Variants in RNF213 observed in about 807,000 individuals in gnomAD.
RNF213 encodes the protein ring finger protein 213.
A neutral mutation model predicts 514.4 loss-of-function variants in RNF213; 341 were observed. That is an observed-to-expected ratio of 0.66 (90% CI 0.61 to 0.73). RNF213 has a LOEUF of 0.73. RNF213 is among the 30% of genes least tolerant of loss of function. The pLI, the probability that RNF213 is intolerant of heterozygous loss-of-function variation, is 0.00. For synonymous variants in RNF213, 2,655 were observed against 2,658.2 expected, an observed-to-expected ratio of 1.00 and a Z score of 0.04; for missense variants, 5,767 against 6,615.6, an observed-to-expected ratio of 0.87 and a Z score of 4.45.
chr17:80,310,673 C>G (rs2045540818), intron 14 of RNF213, among the ~76,000 whole-genome samples: 1 of 152,158 alleles, frequency 6.6e-6, no homozygotes, highest in Admixed American at 6.5e-5. Context: ...CTGCCTCAGC[C>G]TCCCGAGTAG....
chr17:80,380,966 G>A lies in RNF213; in HGVS notation c.13776G>A (p.Leu4592=), dbSNP rs2079974372. ...TACTCACTCACTTGGCTCTGCTTCT[G>A]GGAGCGTCCCAGAGTTCCCAGGTAT... is the stretch of plus-strand genomic sequence containing the variant. ...IRLLTHLALL[L]GASQSSQALI... is the part of the protein sequence containing the mutation. Residue 4592 remains leucine, a synonymous_variant, in exon 56 of 68, where the codon CTG becomes CTA. Coordinates refer to ENST00000582970, the MANE Select transcript of RNF213 (RefSeq NM_001256071.3). 6.2e-6 allele frequency: 10 copies of A among 1,614,158 alleles called. No homozygotes were observed. Among genetic ancestry groups the A allele is most frequent in the Admixed American group, 1.7e-5 (1 of 60,024 alleles).
At chr17:80,290,057 G>A (rs34801706) in intron 6 of RNF213, among the ~76,000 whole-genome samples, 9 of 152,138 alleles carry the variant, frequency 5.9e-5, no homozygotes, top group African/African-American at 1.9e-4. Flanking sequence ...TGGAGCCAGC[G>A]TGGGCCTTTG....
In RNF213 at chr17:80,346,010, A is replaced by G. The variant is rs1156230218; in HGVS notation, c.7675A>G (p.Ile2559Val). 1.2e-6 allele frequency: 2 copies of G among 1,614,078 alleles called. No individual in the cohort carries two copies. Among genetic ancestry groups the G allele is most frequent in the African/African-American group, 2.7e-5 (2 of 74,942 alleles). ...MEETADRLGS[I>V]PLRQLVYRVH... is the part of the protein sequence containing the mutation. Reference sequence around the variant, plus strand: ...GGAGACGGCCGACAGGCTGGGCTCCATTCCTCTGAGGCAGCTGGTATACCG... The same window carrying G: ...GGAGACGGCCGACAGGCTGGGCTCCGTTCCTCTGAGGCAGCTGGTATACCG... The change falls in exon 29 of 68, where the codon ATT becomes GTT. Residue 2559 changes from isoleucine to valine, a missense_variant. Around this residue, in one of 13 missense-constraint regions of RNF213, gnomAD observed 1,377 missense variants for 1,635.2 expected, o/e 0.84. Coordinates refer to ENST00000582970, the MANE Select transcript of RNF213 (RefSeq NM_001256071.3). The surrounding 1 kb of genome is among the most constrained non-coding windows in gnomAD (Gnocchi z 8.1).
intron 25 of RNF213, 146 bp from the exon 26 acceptor site, chr17:80,339,055 G>T: frequency 2.6e-6 from 1 of 390,032 alleles, no homozygotes; most frequent in South Asian, 1.4e-4. Flanking sequence ...TTGTGTAGAT[G>T]AGGAGGGAGG....
intron 2 of RNF213, among the ~76,000 whole-genome samples, chr17:80,270,924 C>G (rs1384084547): frequency 1.3e-5 from 2 of 152,150 alleles, no homozygotes; most frequent in Non-Finnish European, 2.9e-5. Flanking sequence ...ACAGTGGTTT[C>G]CCAGCACCAC....
At chr17:80,295,066 G>C in intron 9 of RNF213, 63 bp downstream of exon 9, 1 of 1,598,164 alleles carries the variant, frequency 6.3e-7, no homozygotes, top group Non-Finnish European at 8.6e-7. Context: ...CCTGCTAGTG[G>C]CCGGATGACC....
chr17:80,294,997 G>A lies in RNF213; in HGVS notation c.1749G>A (p.Glu583=). 6.2e-7 allele frequency: 1 copy of A among 1,614,184 alleles called. No individual in the cohort carries two copies. The highest frequency in any genetic ancestry group is 8.5e-7 in the Non-Finnish European group (1 of 1,180,034). ...AQLWTDLQYR[E]KEVKRYLWQH... ...TGTGGACCGATTTGCAGTACAGGGA[G>A]AAAGAGGTATCAGGCTTGCCACCAG... Residue 583 remains glutamate, a synonymous_variant, in exon 9 of 68, where the codon GAG becomes GAA. Transcript: ENST00000582970.
At chr17:80,334,787 C>T (rs544020616) in intron 22 of RNF213, among the ~76,000 whole-genome samples, 11 of 151,980 alleles carry the variant, frequency 7.2e-5, no homozygotes, top group South Asian at 2.1e-4. Context: ...CCACCACGCC[C>T]GGCTAATTTT....
chr17:80,370,178 C>T (rs998181332), intron 46 of RNF213, among the ~76,000 whole-genome samples: 3 of 152,220 alleles, frequency 2.0e-5, no homozygotes, highest in African/African-American at 7.2e-5. Context: ...CCTGGTTCCA[C>T]AGCAGCGCAA....
Position 80,354,093 on chromosome 17 carries a change from C to T in RNF213, c.10653C>T (p.Asn3551=), listed in dbSNP as rs929119452. 6.2e-6 allele frequency: 10 copies of T among 1,613,980 alleles called. No individual in the cohort carries two copies. The highest frequency in any genetic ancestry group is 1.6e-4 in the Middle Eastern group (1 of 6,084). ...QSAVGMLRDQ[N]ESCTRNMRRV... ...CCGTGGGCATGCTCAGAGACCAGAA[C>T]GAGAGCTGCACGCGCAATATGCGGA... Residue 3551 remains asparagine (N), a synonymous_variant, in exon 35 of 68, where the codon AAC becomes AAT. Coordinates refer to ENST00000582970, the MANE Select transcript of RNF213 (RefSeq NM_001256071.3).
In RNF213 at chr17:80,372,508, C is replaced by G. The variant is rs370670026; in HGVS notation, c.12538-13C>G. On this transcript the variant is annotated splice_polypyrimidine_tract_variant and intron_variant, in intron 47 of 67. Coordinates refer to ENST00000582970, the MANE Select transcript of RNF213 (RefSeq NM_001256071.3). ...AAATAATATCCTTTTCTTTCTTGTT[C>G]CTTGTTCCTCAGGATTCAATACTTG... The G allele has an allele frequency of 6.3e-7, 1 of 1,597,000 alleles. No individual in the cohort carries two copies. Among genetic ancestry groups the G allele is most frequent in the African/African-American group, 1.3e-5 (1 of 74,490 alleles).
intron 15 of RNF213, chr17:80,316,358 C>T (rs953712002): frequency 6.6e-6 from 1 of 152,142 alleles, no homozygotes; most frequent in African/African-American, 2.4e-5. Flanking sequence ...TGAGACAAAT[C>T]AGGTCAAAAG....
chr17:80,291,850 C>G, intron 8 of RNF213, 23 bp downstream of exon 8: 6 of 1,613,396 alleles, frequency 3.7e-6, no homozygotes, highest in Non-Finnish European at 4.2e-6. Flanking sequence ...AGCAGGCTGT[C>G]TGCTCACCCC....
At chr17:80,332,820 T>C (rs2046452989) in intron 21 of RNF213, among the ~76,000 whole-genome samples, 189 bp downstream of exon 21, 2 of 152,118 alleles carry the variant, frequency 1.3e-5, no homozygotes, top group Admixed American at 6.6e-5. Context: ...TTATAAATAG[T>C]ACCACTGCTC....
At chr17:80,316,482 GAA>G (rs1172398904) in intron 15 of RNF213, 1 of 153,454 alleles carries the variant, frequency 6.5e-6, no homozygotes, top group East Asian at 1.9e-4. Flanking sequence ...AGTAAATGCA[GAA>G]AAGAGACGTG....
At position 80,346,129 on chromosome 17, in the gene RNF213, C is replaced by G; in HGVS notation, c.7794C>G (p.Val2598=). 6.2e-7 allele frequency: 1 copy of G among 1,614,128 alleles called. No homozygotes were observed. The highest frequency in any genetic ancestry group is 8.5e-7 in the Non-Finnish European group (1 of 1,180,038). The change falls in exon 29 of 68, where the codon GTC becomes GTG. Residue 2598 remains valine (V), a synonymous_variant. Coordinates refer to ENST00000582970, the MANE Select transcript of RNF213 (RefSeq NM_001256071.3). The surrounding 1 kb of genome is among the most constrained non-coding windows in gnomAD (Gnocchi z 8.1). ...VAEKLYIQQI[V]QRLVESISLD... is the part of the protein sequence containing the mutation. ...AAAAGCTCTACATCCAGCAGATTGT[C>G]CAGAGACTGGTTGAGTCCATCAGCC...
rs2046075658 is a variant in RNF213 at position 80,319,761 on chromosome 17, A to G, written c.3024+449A>G. ...TCAATTTATTTAGCTCTTTTCGGCA[A>G]AGGGGAAGAGATTGTGCCCCCCTGT... On this transcript the variant is annotated intron_variant, in intron 17 of 67. Coordinates refer to ENST00000582970, the MANE Select transcript of RNF213 (RefSeq NM_001256071.3). 1.0e-5 allele frequency: 13 copies of G among 1,301,438 alleles called. No homozygotes were observed. In the South Asian group the frequency reaches 1.8e-4, roughly 18 times the overall value. 80.6% of individuals were successfully genotyped at this position (1,301,438 alleles called of 1,614,324 possible).
rs1380655337 is a variant in RNF213 at position 80,397,111 on chromosome 17, C to T, written c.*3613C>T. On this transcript the variant is annotated 3_prime_UTR_variant, in exon 68 of 68. Coordinates refer to ENST00000582970, the MANE Select transcript of RNF213 (RefSeq NM_001256071.3). Reference sequence around the variant, plus strand: ...TCCTCAGAACCCACGATCTTTGCCCCATCGCCACAGGTCCATGAGTGACTC... The same window carrying T: ...TCCTCAGAACCCACGATCTTTGCCCTATCGCCACAGGTCCATGAGTGACTC... 1 of 152,574 alleles carries T rather than the reference C, an allele frequency of 6.6e-6. No homozygotes were observed. Among genetic ancestry groups the T allele is most frequent in the Non-Finnish European group, 1.5e-5 (1 of 68,256 alleles). 9.5% of individuals were successfully genotyped at this position (152,574 alleles called of 1,614,324 possible). A position where few individuals can be genotyped will look rare whatever the true frequency, so the allele number is the denominator to read the frequency against.
At chr17:80,364,389 G>T in intron 41 of RNF213, 44 bp from the exon 42 acceptor site, 1 of 1,613,462 alleles carries the variant, frequency 6.2e-7, no homozygotes, top group Non-Finnish European at 8.5e-7. Flanking sequence ...TGGGTTCCTT[G>T]GTGGGAGCCG....
Sources: allele counts gnomAD v4.1 joint callset (sites outside exome capture counted in the v4.1 genomes callset), GRCh38; gene constraint gnomAD v4.1.1; regional missense constraint gnomAD v4.1.1; non-coding constraint Gnocchi (gnomAD v3.1); transcripts MANE v1.5; gene names NCBI Gene and HGNC (gene_info 2026-07-23, HGNC 2026-07-21).